The following STK26 variants were observed in gnomAD, a reference collection of about 807,000 sequenced individuals.
STK26 encodes serine/threonine-protein kinase 26.
A neutral mutation model predicts 34.7 loss-of-function variants in STK26; 14 were observed. That is an observed-to-expected ratio of 0.40 (90% CI 0.27 to 0.63). The LOEUF is 0.63. Among genes scored for constraint, STK26 ranks in the 30% least tolerant of loss-of-function variants. The pLI is 0.38. For missense variants in STK26, 226 were observed against 309.1 expected (o/e 0.73, Z 2.02); for synonymous variants, 100 against 109.8 (o/e 0.91, Z 0.56).
chrX:132,071,172 CAGA>C lies in STK26; in HGVS notation c.890_892del (p.Glu297del). On this transcript the variant is annotated inframe_deletion, in exon 8 of 12. Coordinates refer to ENST00000394334, the MANE Select transcript of STK26 (RefSeq NM_016542.4). Reference sequence around the variant, plus strand: ...ATAGATCGTTTTAAGAGATGGAAGGCAGAAGGACACAGTGATGATGAATCTGAT... The same window carrying C: ...ATAGATCGTTTTAAGAGATGGAAGGCAGGACACAGTGATGATGAATCTGAT... The C allele has an allele frequency of 8.3e-7, 1 of 1,210,187 alleles. No homozygotes were observed. Among genetic ancestry groups the C allele is most frequent in the Non-Finnish European group, 1.1e-6 (1 of 894,371 alleles).
chrX:132,070,081 C>G (rs1055499530), intron 7 of STK26, among the ~76,000 whole-genome samples: 1 of 109,840 alleles, frequency 9.1e-6, no homozygotes, highest in African/African-American at 3.3e-5. Flanking sequence ...CTCTGTTGCC[C>G]AGGTTGGAGT....
At chrX:132,029,533 T>A (rs774539890) in intron 2 of STK26, among the ~76,000 whole-genome samples, 1 of 109,879 alleles carries the variant, frequency 9.1e-6, no homozygotes, top group Non-Finnish European at 1.9e-5. Flanking sequence ...ACATTTTTCT[T>A]TTGAAACCCA....
At chrX:132,056,619 T>C (rs1926868466) in intron 3 of STK26, among the ~76,000 whole-genome samples, 2 of 111,282 alleles carry the variant, frequency 1.8e-5, no homozygotes, top group Admixed American at 1.9e-4. Context: ...GTGGCACTAG[T>C]GTCTAATGAG....
intron 2 of STK26, among the ~76,000 whole-genome samples, chrX:132,028,650 A>AGGTTGTAAGAAAAGTAAG (rs1470265029): frequency 7.0e-4 from 78 of 111,410 alleles, no homozygotes; most frequent in Non-Finnish European, 1.2e-3. Flanking sequence ...AGGAAAAGTA[A>AGGTTGTAAGAAAAGTAAG]GGTTGTAAGA....
intron 2 of STK26, among the ~76,000 whole-genome samples, chrX:132,052,948 G>A (rs1041850615): frequency 2.7e-5 from 3 of 111,824 alleles, no homozygotes; most frequent in Non-Finnish European, 3.8e-5. Flanking sequence ...GTATTACAAA[G>A]CCAAGGACCA....
intron 2 of STK26, among the ~76,000 whole-genome samples, chrX:132,039,048 C>G (rs1018242700): frequency 9.0e-6 from 1 of 111,060 alleles, no homozygotes; most frequent in African/African-American, 3.3e-5. Flanking sequence ...ACACTGTTTT[C>G]TGCCACTGTT....
In STK26 at chrX:132,023,393, G is replaced by C; in HGVS notation, c.-125G>C. 1 of 536,698 alleles carries C rather than the reference G, an allele frequency of 1.9e-6. No homozygotes were observed. The highest frequency in any genetic ancestry group is 3.4e-6 in the Non-Finnish European group (1 of 298,015). 44.2% of individuals were successfully genotyped at this position (536,698 alleles called of 1,213,427 possible). On this transcript the variant is annotated 5_prime_UTR_variant, in exon 1 of 12. Transcript: ENST00000394334. ...GCGGAGGCGGCTGCTTCAGCGGCGG[G>C]CGGGCGCCAGAAAGGTAGACTGAGT...
chrX:132,024,992 A>C (rs1025204762), intron 2 of STK26, among the ~76,000 whole-genome samples: 9 of 110,227 alleles, frequency 8.2e-5, no homozygotes, highest in Admixed American at 3.9e-4. Context: ...AGATTAATCC[A>C]CTCAAGCCTT....
At chrX:132,070,552 A>G (rs1209022831) in intron 7 of STK26, among the ~76,000 whole-genome samples, 1 of 112,308 alleles carries the variant, frequency 8.9e-6, no homozygotes, top group Non-Finnish European at 1.9e-5. Context: ...TTCTCATGTT[A>G]ATAAAATGAA....
At chrX:132,042,435 C>T (rs1467282223) in intron 2 of STK26, among the ~76,000 whole-genome samples, 2 of 110,785 alleles carry the variant, frequency 1.8e-5, no homozygotes, top group Admixed American at 9.6e-5. Flanking sequence ...TTAACTGTAT[C>T]GTGGTGTACA....
At chrX:132,029,888 G>C (rs758233343) in intron 2 of STK26, among the ~76,000 whole-genome samples, 2 of 111,448 alleles carry the variant, frequency 1.8e-5, no homozygotes, top group South Asian at 7.6e-4. Flanking sequence ...AATTATATAT[G>C]TTATACTTGC....
chrX:132,066,863 G>C (rs1053729389), intron 4 of STK26, among the ~76,000 whole-genome samples: 1 of 111,763 alleles, frequency 8.9e-6, no homozygotes, highest in African/African-American at 3.3e-5. Context: ...TCTTGCCAAT[G>C]TCCTGTGATC....
chrX:132,055,390 A>G (rs1926822371), intron 3 of STK26: 2 of 947,286 alleles, frequency 2.1e-6, no homozygotes, highest in South Asian at 4.2e-5. Flanking sequence ...ATTTGTTAAA[A>G]TGGAATTAAG....
chrX:132,055,993 TTC>T (rs1481426723), intron 3 of STK26, among the ~76,000 whole-genome samples: 4 of 112,579 alleles, frequency 3.6e-5, no homozygotes, highest in Non-Finnish European at 7.5e-5. Context: ...GCTTTGAAAT[TTC>T]TGAGTTTTTA....
intron 7 of STK26, among the ~76,000 whole-genome samples, chrX:132,070,432 A>G (rs1927378707): frequency 8.9e-6 from 1 of 112,440 alleles, no homozygotes; most frequent in East Asian, 2.8e-4. Context: ...GGATTCTATT[A>G]CAGTTGTTTT....
intron 2 of STK26, among the ~76,000 whole-genome samples, chrX:132,050,184 G>GC (rs1165199725): frequency 9.0e-6 from 1 of 110,711 alleles, no homozygotes; most frequent in Non-Finnish European, 1.9e-5. Flanking sequence ...AATTCCTAAT[G>GC]CCCCCCTCCA....
chrX:132,043,318 A>G (rs1926330639), intron 2 of STK26, among the ~76,000 whole-genome samples: 1 of 112,041 alleles, frequency 8.9e-6, no homozygotes, highest in African/African-American at 3.2e-5. Flanking sequence ...TTTTCCCTCT[A>G]ATATGGATAG....
At chrX:132,066,953 A>G (rs1346386002) in intron 4 of STK26, among the ~76,000 whole-genome samples, 1 of 111,869 alleles carries the variant, frequency 8.9e-6, no homozygotes, top group East Asian at 2.8e-4. Flanking sequence ...GTTCATTGCC[A>G]GCCATCAACA....
chrX:132,064,609 G>A (rs1249159690), intron 4 of STK26, among the ~76,000 whole-genome samples: 1 of 111,676 alleles, frequency 9.0e-6, no homozygotes, highest in Non-Finnish European at 1.9e-5. Context: ...GGCCTGGGGT[G>A]TTTGAGGTTA....
Sources: gnomAD v4.1 joint callset for allele counts (sites outside exome capture counted in the v4.1 genomes callset) on GRCh38, gnomAD v4.1.1 for gene constraint, MANE v1.5 for transcripts, NCBI Gene and HGNC (gene_info 2026-07-23, HGNC 2026-07-21) for gene names.